Variants in POLK observed in about 807,000 individuals in gnomAD.
POLK encodes the protein polymerase (DNA directed) kappa.
POLK carries 76 observed loss-of-function variants against 94.0 expected under a neutral mutation model. The ratio of observed to expected loss-of-function variants is 0.81; its 90% CI spans 0.67 to 0.98. The LOEUF (loss-of-function observed/expected upper bound fraction) is 0.98. Among genes scored for constraint, POLK ranks in the 50% least tolerant of loss-of-function variants. The pLI is 0.00. For synonymous variants in POLK, 349 were observed against 325.4 expected (o/e 1.07, Z -0.78); for missense variants, 954 against 1,010.1 (o/e 0.94, Z 0.75).
the POLK span, among the ~76,000 whole-genome samples, chr5:75,607,380 A>G: frequency 6.6e-6 from 1 of 151,688 alleles, no homozygotes; most frequent in Non-Finnish European, 1.5e-5. Context: ...AGGCAAGAGA[A>G]TCGCTTGAAC....
chr5:75,559,505 G>GTGTTTTT (rs1770841207), intron 3 of POLK, among the ~76,000 whole-genome samples: 3 of 70,110 alleles, frequency 4.3e-5, no homozygotes, highest in African/African-American at 1.4e-4. Context: ...TTTGGGGTTT[G>GTGTTTTT]TTTTTTTGTT....
chr5:75,594,166 A>G, intron 12 of POLK, 117 bp downstream of exon 12: 3 of 666,218 alleles, frequency 4.5e-6, no homozygotes, highest in South Asian at 2.0e-5. Flanking sequence ...TGATTTTTCA[A>G]CTTTGCGACA....
upstream of POLK, chr5:75,511,468 C>T: frequency 6.6e-7 from 1 of 1,514,246 alleles, no homozygotes; most frequent in Non-Finnish European, 8.8e-7. Flanking sequence ...GCCGTGACCC[C>T]TGCGTTGCGC....
At chr5:75,555,178 A>G (rs1561366736) in intron 3 of POLK, among the ~76,000 whole-genome samples, 2 of 152,190 alleles carry the variant, frequency 1.3e-5, no homozygotes, top group African/African-American at 2.4e-5. Flanking sequence ...AGTTTATATT[A>G]GGGTTCAATA....
chr5:75,567,263 T>G (rs1771328016), intron 3 of POLK, among the ~76,000 whole-genome samples: 1 of 152,230 alleles, frequency 6.6e-6, no homozygotes, highest in South Asian at 2.1e-4. Context: ...TGCCACTTTC[T>G]TATTCTCATT....
chr5:75,574,624 C>T (rs1478055665), intron 5 of POLK, among the ~76,000 whole-genome samples: 1 of 152,144 alleles, frequency 6.6e-6, no homozygotes, highest in Admixed American at 6.5e-5. Context: ...ATACTTATTA[C>T]TCTTTAGTTA....
chr5:75,544,085 C>T (rs1414925210), intron 1 of POLK, among the ~76,000 whole-genome samples: 1 of 152,200 alleles, frequency 6.6e-6, no homozygotes, highest in East Asian at 1.9e-4. Context: ...AATCCTCCTG[C>T]CTTGGCCTCA....
At chr5:75,521,195 C>T (rs1768567921) in intron 1 of POLK, among the ~76,000 whole-genome samples, 1 of 152,082 alleles carries the variant, frequency 6.6e-6, no homozygotes, top group South Asian at 2.1e-4. Flanking sequence ...CTTTCTACTC[C>T]TGCTCTTGCT....
At chr5:75,565,311 G>A (rs780640951) in intron 3 of POLK, among the ~76,000 whole-genome samples, 3 of 152,046 alleles carry the variant, frequency 2.0e-5, no homozygotes, top group African/African-American at 2.4e-5. Flanking sequence ...TAGCTTCCTT[G>A]TGTTGGGTTA....
chr5:75,564,620 A>G (rs1771165130), intron 3 of POLK, among the ~76,000 whole-genome samples: 1 of 152,144 alleles, frequency 6.6e-6, no homozygotes, highest in Non-Finnish European at 1.5e-5. Flanking sequence ...GCTTGTCTGT[A>G]AAGGATTTTA....
At chr5:75,569,310 A>T (rs1771455777) in intron 3 of POLK, 30 bp from the exon 4 acceptor site, 1 of 1,523,888 alleles carries the variant, frequency 6.6e-7, no homozygotes, top group Non-Finnish European at 9.0e-7. Context: ...ATGTTGTCTA[A>T]AAGTATGTTA....
At chr5:75,588,961 G>A (rs1239605007) in intron 10 of POLK, among the ~76,000 whole-genome samples, 1 of 152,152 alleles carries the variant, frequency 6.6e-6, no homozygotes, top group Non-Finnish European at 1.5e-5. Context: ...CAGATTCCAG[G>A]GATTAGGATG....
chr5:75,518,013 T>TCC (rs1768399791), intron 1 of POLK, among the ~76,000 whole-genome samples: 1 of 152,232 alleles, frequency 6.6e-6, no homozygotes, highest in East Asian at 1.9e-4. Flanking sequence ...AAGGATCTTA[T>TCC]TAATGTGATT....
At position 75,595,248 on chromosome 5, in the gene POLK, G is replaced by GAAAAAAAAAAAAAAAAAAA. The variant is rs58783164; in HGVS notation, c.1529-967_1529-949dup. Reference sequence around the variant, plus strand: ...GCAACAAGAGTGAAACTCCACCTCAGAAAAAAAAAAAAAAAAAAAAAAAAA... The same window carrying GAAAAAAAAAAAAAAAAAAA: ...GCAACAAGAGTGAAACTCCACCTCAGAAAAAAAAAAAAAAAAAAAAAAAAAAAAAAAAAAAAAAAAAAAA... On this transcript the variant is annotated intron_variant, in intron 12 of 14. Coordinates refer to ENST00000241436, the Ensembl canonical transcript of POLK. Among the ~76,000 whole-genome samples the GAAAAAAAAAAAAAAAAAAA allele has an allele frequency of 1.2e-4, 3 of 24,882 alleles. 1 individual carries two copies. The highest frequency in any genetic ancestry group is 3.3e-4 in the African/African-American group (3 of 9,168). The allele number at this position is 24,882 out of a possible 152,430, so 16.3% of individuals were successfully genotyped here. A position where few individuals can be genotyped will look rare whatever the true frequency, so the allele number is the denominator to read the frequency against.
intron 1 of POLK, among the ~76,000 whole-genome samples, chr5:75,535,216 C>G (rs989858180): frequency 6.6e-6 from 1 of 152,172 alleles, no homozygotes; most frequent in Non-Finnish European, 1.5e-5. Flanking sequence ...ATTTGTGAAG[C>G]TTGGTTTGGC....
intron 8 of POLK, 24 bp from the exon 9 acceptor site, chr5:75,584,736 T>C: frequency 1.5e-6 from 2 of 1,301,564 alleles, no homozygotes; most frequent in Non-Finnish European, 2.1e-6. Flanking sequence ...AATCTATTAA[T>C]AATAAATATT....
At chr5:75,511,391 G>A (rs1407668129), upstream of POLK, 51 of 1,546,272 alleles carry the variant, frequency 3.3e-5, no homozygotes, top group Admixed American at 3.9e-5. Context: ...GACACCGAGC[G>A]GAGCGAGGAA....
At chr5:75,537,668 G>T (rs1036255038) in intron 1 of POLK, among the ~76,000 whole-genome samples, 1 of 152,054 alleles carries the variant, frequency 6.6e-6, no homozygotes, top group Non-Finnish European at 1.5e-5. Context: ...TTAGAAGCAG[G>T]TCACTTAATT....
intron 1 of POLK, among the ~76,000 whole-genome samples, chr5:75,531,846 A>G (rs941499054): frequency 6.6e-6 from 1 of 152,122 alleles, no homozygotes; most frequent in Non-Finnish European, 1.5e-5. Context: ...TCTGAGGGTC[A>G]AGGATATGAG....
Sources: gnomAD v4.1 joint callset for allele counts (sites outside exome capture counted in the v4.1 genomes callset) on GRCh38, gnomAD v4.1.1 for gene constraint, MANE v1.5 for transcripts, NCBI Gene and HGNC (gene_info 2026-07-23, HGNC 2026-07-21) for gene names.